DNAH1: variants seen among roughly 807,000 people sequenced by gnomAD.
DNAH1 encodes axonemal beta dynein heavy chain 1.
Under a neutral mutation model 484.3 loss-of-function variants are expected in DNAH1, and 327 were observed. That is an observed-to-expected ratio of 0.68 (90% CI 0.62 to 0.74). The LOEUF (loss-of-function observed/expected upper bound fraction) is 0.74, where lower values mean the gene tolerates loss of function less well. Among genes scored for constraint, DNAH1 ranks in the 30% least tolerant of loss-of-function variants. The probability of loss-of-function intolerance (pLI) is 0.00; values close to 1 mark genes in which losing one functional copy is unlikely to be tolerated. For missense variants in DNAH1, 5,052 were observed against 5,546.8 expected (o/e 0.91, Z 2.83); for synonymous variants, 2,192 against 2,191.9 (o/e 1.00, Z 0.00).
At chr3:52,400,227 T>C in intron 77 of DNAH1, 98 bp from the exon 78 acceptor site, 4 of 1,531,976 alleles carry the variant, frequency 2.6e-6, no homozygotes, top group Non-Finnish European at 3.6e-6. Context: ...GCCCCCTCCC[T>C]GTCCTCAGCT....
rs752238504 is a variant in DNAH1 at position 52,375,292 on chromosome 3, G to A, written c.7038G>A (p.Pro2346=). The change falls in exon 45 of 78, where the codon CCG becomes CCA. Residue 2346 remains proline (P), a synonymous_variant. Coordinates refer to ENST00000420323, the MANE Select transcript of DNAH1 (RefSeq NM_015512.5). The stretch of plus-strand genomic sequence containing the variant: ...ACTTTGTCTGTGCCATGGGCCCCCC[G>A]GGTGGAGGCAGGAACACCGTCACCC... ...DINFVCAMGP[P]GGGRNTVTPR... 1.2e-5 allele frequency: 20 copies of A among 1,611,956 alleles called. No homozygotes were observed. The highest frequency in any genetic ancestry group is 6.7e-5 in the African/African-American group (5 of 74,904).
chr3:52,349,968 A>G (rs1333091923), intron 14 of DNAH1, 21 bp from the exon 15 acceptor site: 3 of 1,592,834 alleles, frequency 1.9e-6, no homozygotes, highest in Non-Finnish European at 1.7e-6. Flanking sequence ...TGCCCTCCCC[A>G]GCGCCTCCTC....
At chr3:52,350,263 C>T (rs1238693287) in intron 15 of DNAH1, among the ~76,000 whole-genome samples, 155 bp downstream of exon 15, 2 of 149,988 alleles carry the variant, frequency 1.3e-5, no homozygotes, top group Non-Finnish European at 3.0e-5. Flanking sequence ...GGTTGTGAGC[C>T]GGGGCTTCAG....
chr3:52,368,878 A>G lies in DNAH1; in HGVS notation c.5903A>G (p.Lys1968Arg). 1 of 1,614,042 alleles carries G rather than the reference A, an allele frequency of 6.2e-7. No individual in the cohort carries two copies. Among genetic ancestry groups the G allele is most frequent in the South Asian group, 1.1e-5 (1 of 91,082 alleles). Residue 1968 changes from lysine to arginine, a missense_variant, in exon 37 of 78, where the codon AAG (lysine) becomes AGG (arginine). Coordinates refer to ENST00000420323, the MANE Select transcript of DNAH1 (RefSeq NM_015512.5). The surrounding 1 kb of genome is among the most constrained non-coding windows in gnomAD (Gnocchi z 4.4). ...AACACGGTGCTGGATGACAACAAGA[A>G]GCTGTGCCTCAGCTCTGGGGAGATC... Reference protein sequence around the residue: ...NMNTVLDDNKKLCLSSGEIIK... With the variant: ...NMNTVLDDNKRLCLSSGEIIK...
intron 48 of DNAH1, among the ~76,000 whole-genome samples, chr3:52,380,496 A>G (rs1703797777): frequency 6.6e-6 from 1 of 152,190 alleles, no homozygotes; most frequent in African/African-American, 2.4e-5. Flanking sequence ...GCATGGCTGA[A>G]GCAGGCCTCC....
chr3:52,348,632 C>T (rs1287232343), intron 12 of DNAH1, among the ~76,000 whole-genome samples: 1 of 152,236 alleles, frequency 6.6e-6, no homozygotes, highest in Non-Finnish European at 1.5e-5. Flanking sequence ...CAGGCAGAGT[C>T]ATGCCCAGGC....
chr3:52,382,855 G>A (rs563436489), intron 50 of DNAH1, among the ~76,000 whole-genome samples: 2 of 152,348 alleles, frequency 1.3e-5, no homozygotes, highest in South Asian at 2.1e-4. Context: ...AGGGTCACAC[G>A]ACAGAACAGG....
intron 3 of DNAH1, among the ~76,000 whole-genome samples, chr3:52,325,453 C>A (rs1056734794): frequency 1.3e-5 from 2 of 152,162 alleles, no homozygotes; most frequent in Non-Finnish European, 2.9e-5. Context: ...TGCCCACACC[C>A]CTCTCCCCAC....
At chr3:52,392,808 C>T (rs1451900533) in intron 64 of DNAH1, 22 bp from the exon 65 acceptor site, 3 of 584,308 alleles carry the variant, frequency 5.1e-6, no homozygotes, top group East Asian at 5.2e-5. Context: ...TTGACCCCTC[C>T]CCCCACCCAC....
In DNAH1 at chr3:52,345,557, C is replaced by T; in HGVS notation, c.1507C>T (p.Leu503=). 6.3e-7 allele frequency: 1 copy of T among 1,593,140 alleles called. No individual in the cohort carries two copies. The highest frequency in any genetic ancestry group is 8.6e-7 in the Non-Finnish European group (1 of 1,169,440). ...GAAGGAGGACTTCACTTTCGTGTCC[C>T]TGCTCACACGGCCAGAGGTCATCAC... ...EQKEDFTFVS[L]LTRPEVITAL... Residue 503 remains leucine, a synonymous_variant, in exon 10 of 78, where the codon CTG becomes TTG. Transcript: ENST00000420323.
At chr3:52,343,151 AG>A (rs1453242838) in intron 8 of DNAH1, among the ~76,000 whole-genome samples, 2 of 152,312 alleles carry the variant, frequency 1.3e-5, no homozygotes, top group East Asian at 3.9e-4. Context: ...GAGTGGCCTC[AG>A]GGGTAGCGAG....
Position 52,349,970 on chromosome 3 carries a change from C to T in DNAH1, c.2527-19C>T, listed in dbSNP as rs754113926. On this transcript the variant is annotated intron_variant, in intron 14 of 77. Coordinates refer to ENST00000420323, the MANE Select transcript of DNAH1 (RefSeq NM_015512.5). ...GGGAGCAGCATGCTGCCCTCCCCAG[C>T]GCCTCCTCCCACTGCCAGATCTGCG... 8.8e-6 allele frequency: 14 copies of T among 1,593,524 alleles called. No homozygotes were observed. The highest frequency in any genetic ancestry group is 4.6e-5 in the East Asian group (2 of 43,902).
At chr3:52,352,184 C>G (rs957493393) in intron 17 of DNAH1, 81 bp downstream of exon 17, 2 of 1,513,878 alleles carry the variant, frequency 1.3e-6, no homozygotes, top group African/African-American at 1.4e-5. Context: ...GGCCTCACTT[C>G]TTGCATTCAG....
chr3:52,351,148 C>A lies in DNAH1; in HGVS notation c.2729+558C>A, dbSNP rs139772549. ...TATAGGCGTGAGCCACCGCGCCCAGCCTGACACACGTATTTTACTGTGGAC... is the reference window on the plus strand; with the variant it reads ...TATAGGCGTGAGCCACCGCGCCCAGACTGACACACGTATTTTACTGTGGAC... On this transcript the variant is annotated intron_variant, in intron 16 of 77. Coordinates refer to ENST00000420323, the MANE Select transcript of DNAH1 (RefSeq NM_015512.5). 3.9e-3 allele frequency among the ~76,000 whole-genome samples: 598 copies of A among 152,368 alleles called. 6 individuals carry two copies. Among genetic ancestry groups the A allele is most frequent in the African/African-American group, 0.013 (558 of 41,582 alleles).
intron 5 of DNAH1, 108 bp downstream of exon 5, chr3:52,326,999 A>G: frequency 1.4e-6 from 2 of 1,382,822 alleles, no homozygotes; most frequent in Non-Finnish European, 1.9e-6. Flanking sequence ...AGTCACCAGC[A>G]CACTCTTGTC....
rs1704810967 is a variant in DNAH1, at chr3:52,399,547, G to T, written c.12444G>T (p.Val4148=). ...SIDTISFDFK[V]MFEAPSELTQ... ...GGTGTGTCTGTGTCTACCCACAGGT[G>T]ATGTTTGAGGCACCATCAGAGTTAA... Residue 4148 remains valine, a splice_region_variant and synonymous_variant, in exon 77 of 78, where the codon GTG becomes GTT. Transcript: ENST00000420323. 1 of 1,607,396 alleles carries T rather than the reference G, an allele frequency of 6.2e-7. No individual in the cohort carries two copies. Among genetic ancestry groups the T allele is most frequent in the African/African-American group, 1.3e-5 (1 of 74,824 alleles).
rs752622845 is a variant in DNAH1, at chr3:52,372,230, C to T, written c.6670C>T (p.Leu2224=). 3 of 1,613,842 alleles carry T rather than the reference C, an allele frequency of 1.9e-6. No homozygotes were observed. The Admixed American group carries it at 5.0e-5, about 27-fold the overall frequency. ...DMLLTNKKPV[L]CIGPTGTGKT... Reference sequence around the variant, plus strand: ...TGTGCCATCCCCGCTCTGCCAGGTGCTGTGCATTGGGCCAACAGGCACGGG... The same window carrying T: ...TGTGCCATCCCCGCTCTGCCAGGTGTTGTGCATTGGGCCAACAGGCACGGG... The change falls in exon 43 of 78, where the codon CTG becomes TTG. Residue 2224 remains leucine, a synonymous_variant. Coordinates refer to ENST00000420323, the MANE Select transcript of DNAH1 (RefSeq NM_015512.5).
At chr3:52,321,400 GCCA>G (rs551410363) in intron 1 of DNAH1, among the ~76,000 whole-genome samples, 45 of 152,202 alleles carry the variant, frequency 3.0e-4, no homozygotes, top group Non-Finnish European at 3.1e-4. Flanking sequence ...ATAGGAGTGA[GCCA>G]CCGCCCCGGC....
chr3:52,332,517 G>A, intron 8 of DNAH1, 123 bp downstream of exon 8: 1 of 1,409,642 alleles, frequency 7.1e-7, no homozygotes, highest in Non-Finnish European at 9.4e-7. Context: ...GACTGTCCTG[G>A]CTATTGCCCT....
Sources: allele counts gnomAD v4.1 joint callset (sites outside exome capture counted in the v4.1 genomes callset), GRCh38; gene constraint gnomAD v4.1.1; non-coding constraint Gnocchi (gnomAD v3.1); transcripts MANE v1.5; gene names NCBI Gene and HGNC (gene_info 2026-07-23, HGNC 2026-07-21).